Variants in GPX6 observed in about 807,000 individuals in gnomAD.
GPX6 encodes the protein glutathione peroxidase 6 (olfactory).
Under a neutral mutation model 20.0 loss-of-function variants are expected in GPX6, and 21 were observed. The observed-to-expected ratio is 1.05, with a 90% confidence interval of 0.74 to 1.51. The LOEUF is 1.51. Among genes scored for constraint, GPX6 ranks in the 40% most tolerant of loss-of-function variants. GPX6 has a pLI of 0.00. For synonymous variants in GPX6, 75 were observed against 98.0 expected, an observed-to-expected ratio of 0.77 and a Z score of 1.38; for missense variants, 233 against 254.7, an observed-to-expected ratio of 0.91 and a Z score of 0.58.
Position 28,515,721 on chromosome 6 carries a change from G to T in GPX6, c.23C>A (p.Ser8Tyr). The T allele has an allele frequency of 6.2e-7, 1 of 1,613,996 alleles. No individual in the cohort carries two copies. The highest frequency in any genetic ancestry group is 8.5e-7 in the Non-Finnish European group (1 of 1,179,898). Residue 8 changes from serine (S) to tyrosine (Y), a missense_variant, in exon 1 of 5, where the codon TCC becomes TAC. Coordinates refer to ENST00000361902, the MANE Select transcript of GPX6 (RefSeq NM_182701.1). MFQQFQA[S>Y]CLVLFFLVGF... The stretch of plus-strand genomic sequence containing the variant: ...AACCAGGAAAAACAGGACAAGACAG[G>T]AGGCCTGGAACTGCTGGAACATGGC...
chr6:28,513,680 G>A (rs34750706), intron 1 of GPX6, among the ~76,000 whole-genome samples: 2 of 150,752 alleles, frequency 1.3e-5, no homozygotes, highest in East Asian at 3.9e-4. Context: ...GGAACAAAAG[G>A]CTAACATGTT....
Position 28,504,078 on chromosome 6 carries a change from A to G in GPX6, c.*214T>C, listed in dbSNP as rs1762781875. 3.5e-6 allele frequency: 2 copies of G among 577,872 alleles called. No individual in the cohort carries two copies. The highest frequency in any genetic ancestry group is 6.2e-6 in the Non-Finnish European group (2 of 324,770). The allele number at this position is 577,872 out of a possible 1,614,324, so 35.8% of individuals were successfully genotyped here. A position where few individuals can be genotyped will look rare whatever the true frequency, so the allele number is the denominator to read the frequency against. ...TACATACACCTATGCATATACCAACAAATACAATTCTACATATCCATACAC... is the reference window on the plus strand; with the variant it reads ...TACATACACCTATGCATATACCAACGAATACAATTCTACATATCCATACAC... On this transcript the variant is annotated 3_prime_UTR_variant, in exon 5 of 5. Coordinates refer to ENST00000361902, the MANE Select transcript of GPX6 (RefSeq NM_182701.1).
intron 4 of GPX6, 46 bp downstream of exon 4, chr6:28,505,657 G>A (rs375262053): frequency 4.6e-5 from 68 of 1,468,152 alleles, no homozygotes; most frequent in Non-Finnish European, 6.4e-5. Flanking sequence ...ACTGCTTTCA[G>A]AGCATTTCTA....
At chr6:28,512,981 C>T (rs1169311162) in intron 1 of GPX6, among the ~76,000 whole-genome samples, 3 of 152,008 alleles carry the variant, frequency 2.0e-5, no homozygotes, top group Non-Finnish European at 4.4e-5. Context: ...GACACGCTGC[C>T]TTAAAGAACT....
In GPX6 at chr6:28,510,835, ACTC is replaced by A; in HGVS notation, c.154_156del (p.Glu52del). On this transcript the variant is annotated inframe_deletion, in exon 2 of 5. Coordinates refer to ENST00000361902, the MANE Select transcript of GPX6 (RefSeq NM_182701.1). Reference sequence around the variant, plus strand: ...CCTGCAAACTGCTTGAATTGGATGTACTCCTCGCCGTTGAGGGTGAGGGCTCCA... The same window carrying A: ...CCTGCAAACTGCTTGAATTGGATGTACTCGCCGTTGAGGGTGAGGGCTCCA... 1.2e-6 allele frequency: 2 copies of A among 1,613,218 alleles called. No homozygotes were observed. Among genetic ancestry groups the A allele is most frequent in the Non-Finnish European group, 1.7e-6 (2 of 1,179,814 alleles).
At chr6:28,506,960 T>A (rs1561999005) in intron 2 of GPX6, among the ~76,000 whole-genome samples, 1 of 152,194 alleles carries the variant, frequency 6.6e-6, no homozygotes, top group Non-Finnish European at 1.5e-5. Flanking sequence ...CCAGGAGTAC[T>A]CCTTGGTGCT....
rs1056696088 is a variant in GPX6, at chr6:28,507,323, T to C, written c.242-894A>G. 2.6e-5 allele frequency among the ~76,000 whole-genome samples: 4 copies of C among 152,362 alleles called. No homozygotes were observed. The South Asian group carries it at 8.3e-4, about 32-fold the overall frequency. Reference sequence around the variant, plus strand: ...TTCCTGTTTTTCTATAGTTCTTCGGTTGCTATCGAAACTCATCTCTCTCTT... The same window carrying C: ...TTCCTGTTTTTCTATAGTTCTTCGGCTGCTATCGAAACTCATCTCTCTCTT... On this transcript the variant is annotated intron_variant, in intron 2 of 4. Transcript: ENST00000361902.
chr6:28,513,078 G>A (rs539057323), intron 1 of GPX6, among the ~76,000 whole-genome samples: 31 of 152,316 alleles, frequency 2.0e-4, no homozygotes, highest in Non-Finnish European at 3.8e-4. Flanking sequence ...GACAGCGGAA[G>A]GACATGGAGT....
intron 1 of GPX6, among the ~76,000 whole-genome samples, chr6:28,515,391 A>C (rs934829548): frequency 3.3e-5 from 5 of 152,200 alleles, no homozygotes; most frequent in Non-Finnish European, 5.9e-5. Context: ...GAAGTGGCAA[A>C]GGGGAATGTG....
At chr6:28,509,365 C>CA (rs34508933) in intron 2 of GPX6, among the ~76,000 whole-genome samples, 5,125 of 101,048 alleles carry the variant, frequency 0.051, 126 homozygotes, top group Middle Eastern at 0.15. Flanking sequence ...GCTAAAAATG[C>CA]AAAAAAAAAA....
chr6:28,511,179 C>T (rs1762864691), intron 1 of GPX6, among the ~76,000 whole-genome samples: 1 of 152,194 alleles, frequency 6.6e-6, no homozygotes, highest in Non-Finnish European at 1.5e-5. Context: ...TACCTCTGTT[C>T]CCTGACACTG....
chr6:28,514,008 A>G (rs1762978438), intron 1 of GPX6, among the ~76,000 whole-genome samples: 1 of 152,352 alleles, frequency 6.6e-6, no homozygotes, highest in Middle Eastern at 3.4e-3. Context: ...AATATTTGGG[A>G]ACATTAGCCT....
chr6:28,509,365 C>CAAAAAAA (rs34508933), intron 2 of GPX6, among the ~76,000 whole-genome samples: 1 of 101,110 alleles, frequency 9.9e-6, no homozygotes, highest in African/African-American at 3.3e-5. Flanking sequence ...GCTAAAAATG[C>CAAAAAAA]AAAAAAAAAA....
In GPX6 at chr6:28,512,704, C is replaced by T. The variant is rs115735453; in HGVS notation, c.88-1800G>A. Reference sequence around the variant, plus strand: ...CTTTGCAATAAGTCTTGCTGCTGCTCATTCTTGGGGTCCACACTGCCTTTA... The same window carrying T: ...CTTTGCAATAAGTCTTGCTGCTGCTTATTCTTGGGGTCCACACTGCCTTTA... On this transcript the variant is annotated intron_variant, in intron 1 of 4. Transcript: ENST00000361902. Among the ~76,000 whole-genome samples, 207 of 152,312 alleles carry T rather than the reference C, an allele frequency of 1.4e-3. 1 individual carries two copies. The highest frequency in any genetic ancestry group is 4.4e-3 in the African/African-American group (181 of 41,558).
At chr6:28,506,748 TG>T (rs1013525107) in intron 2 of GPX6, among the ~76,000 whole-genome samples, 1 of 148,754 alleles carries the variant, frequency 6.7e-6, no homozygotes, top group Admixed American at 6.7e-5. Flanking sequence ...TTGGTAGCCT[TG>T]TGTGGGAGTC....
rs1474809043 is a variant in GPX6 at position 28,506,707 on chromosome 6, ACACAC to A, written c.242-283_242-279del. ...TGAGAACTCTTATTTTTTTTTTTAA[ACACAC>A]ACACACACACACACACACACACACG... On this transcript the variant is annotated intron_variant, in intron 2 of 4. Transcript: ENST00000361902. 2.9e-4 allele frequency among the ~76,000 whole-genome samples: 20 copies of A among 70,016 alleles called. No homozygotes were observed. The South Asian group carries it at 4.6e-3, about 16-fold the overall frequency. The allele number at this position is 70,016 out of a possible 152,430, so 45.9% of individuals were successfully genotyped here.
At chr6:28,510,716 G>T (rs1404162834) in intron 2 of GPX6, 35 bp downstream of exon 2, 8 of 1,597,956 alleles carry the variant, frequency 5.0e-6, no homozygotes, top group Non-Finnish European at 6.8e-6. Context: ...ATCTGGCAAT[G>T]CTGCTTCCAA....
chr6:28,514,797 C>T (rs1017491191), intron 1 of GPX6, among the ~76,000 whole-genome samples: 1 of 152,168 alleles, frequency 6.6e-6, no homozygotes, highest in Admixed American at 6.5e-5. Flanking sequence ...TTATAGAGGA[C>T]AGAAAGGAAC....
Position 28,506,408 on chromosome 6 carries a change from T to A in GPX6, c.263A>T (p.Glu88Val). 1.2e-6 allele frequency: 2 copies of A among 1,612,732 alleles called. No homozygotes were observed. The highest frequency in any genetic ancestry group is 1.7e-6 in the Non-Finnish European group (2 of 1,178,718). The stretch of plus-strand genomic sequence containing the variant: ...CACAATGACACCAAAATTCTTCAGC[T>A]CCTCCTGTAGTGCATTCAGTTCTGT... ...QYPELNALQE[E>V]LKNFGVIVLA... The change falls in exon 3 of 5, where the codon GAG becomes GTG. Residue 88 changes from glutamate to valine, a missense_variant. By Grantham distance (121) the Glu-to-Val change is moderately radical. Transcript: ENST00000361902.
Sources: allele counts gnomAD v4.1 joint callset (sites outside exome capture counted in the v4.1 genomes callset), GRCh38; gene constraint gnomAD v4.1.1; transcripts MANE v1.5; gene names NCBI Gene and HGNC (gene_info 2026-07-23, HGNC 2026-07-21).